The following RBL1 variants were observed in gnomAD, a reference collection of about 807,000 sequenced individuals.
RBL1 encodes retinoblastoma-like protein 1.
Under a neutral mutation model 123.0 loss-of-function variants are expected in RBL1, and 82 were observed. That is an observed-to-expected ratio of 0.67 (90% CI 0.56 to 0.80). The LOEUF (loss-of-function observed/expected upper bound fraction) is 0.80. Among genes scored for constraint, RBL1 ranks in the 30% least tolerant of loss-of-function variants. The probability of loss-of-function intolerance (pLI) is 0.00; values close to 1 mark genes in which losing one functional copy is unlikely to be tolerated. For synonymous variants in RBL1, 405 were observed against 441.3 expected, an observed-to-expected ratio of 0.92 and a Z score of 1.03; for missense variants, 1,171 against 1,299.6, an observed-to-expected ratio of 0.90 and a Z score of 1.52.
rs867410748 is a variant in RBL1 at position 37,088,999 on chromosome 20, C to T, written c.280G>A (p.Ala94Thr). 1.3e-6 allele frequency: 2 copies of T among 1,585,700 alleles called. No homozygotes were observed. The highest frequency in any genetic ancestry group is 1.2e-5 in the South Asian group (1 of 86,062). Residue 94 changes from alanine (A) to threonine (T), a missense_variant, in exon 2 of 22, where the codon GCT becomes ACT. Ala to Thr is a moderately conservative substitution (Grantham distance 58, BLOSUM62 0). Transcript: ENST00000373664. ...CVSLTRILRSAKLSLIQFFSK... is the reference protein window; with the variant it reads ...CVSLTRILRSTKLSLIQFFSK... ...ATCAAAGAGGTTTACCTTAATTTAG[C>T]TGAACGTAGTATTCTGGTAAGTGAA...
intron 19 of RBL1, among the ~76,000 whole-genome samples, chr20:37,010,438 G>A (rs1174348913): frequency 1.3e-5 from 2 of 152,050 alleles, no homozygotes; most frequent in African/African-American, 4.8e-5. Flanking sequence ...GCATAATGAT[G>A]GGTTATCTTC....
chr20:37,032,995 T>A (rs2064539290), intron 15 of RBL1, 119 bp from the exon 16 acceptor site: 1 of 1,371,428 alleles, frequency 7.3e-7, no homozygotes, highest in East Asian at 2.6e-5. Flanking sequence ...TACAAAATAG[T>A]AATTCTAGGT....
At chr20:37,095,456 T>C (rs1026734724) in intron 1 of RBL1, among the ~76,000 whole-genome samples, 6 of 152,196 alleles carry the variant, frequency 3.9e-5, no homozygotes, top group Non-Finnish European at 5.9e-5. Context: ...TTTACCATTA[T>C]ATTTGTTCTT....
At chr20:37,058,135 C>CAAA (rs796829143) in intron 9 of RBL1, among the ~76,000 whole-genome samples, 1 of 125,992 alleles carries the variant, frequency 7.9e-6, no homozygotes. Flanking sequence ...AAAAACAAAA[C>CAAA]AAAACAAAAA....
At chr20:37,018,015 A>G (rs2064284403) in intron 19 of RBL1, among the ~76,000 whole-genome samples, 1 of 152,174 alleles carries the variant, frequency 6.6e-6, no homozygotes, top group Non-Finnish European at 1.5e-5. Flanking sequence ...TTAGAATTTT[A>G]TTAAGTCTCT....
At position 37,022,793 on chromosome 20, in the gene RBL1, G is replaced by C. The variant is rs948956578; in HGVS notation, c.2416C>G (p.Leu806Val). 6.2e-7 allele frequency: 1 copy of C among 1,613,116 alleles called. No individual in the cohort carries two copies. Among genetic ancestry groups the C allele is most frequent in the Non-Finnish European group, 8.5e-7 (1 of 1,179,510 alleles). ...TTTGAAACATCCAGTTTTAGACATA[G>C]ATCACGTAAGCGTACACTTGCCAAA... is the stretch of plus-strand genomic sequence containing the variant. ...YHLASVRLRD[L>V]CLKLDVSNEL... is the part of the protein sequence containing the mutation. The change falls in exon 17 of 22, where the codon CTA becomes GTA. Residue 806 changes from leucine to valine, a missense_variant. Transcript: ENST00000373664.
chr20:37,088,280 A>G (rs1338098508), intron 2 of RBL1, among the ~76,000 whole-genome samples: 26 of 151,640 alleles, frequency 1.7e-4, no homozygotes, highest in South Asian at 4.2e-4. Context: ...AAAAAAAAAA[A>G]AGAGAGAGAG....
intron 2 of RBL1, among the ~76,000 whole-genome samples, chr20:37,073,701 A>G (rs1331338326): frequency 6.9e-6 from 1 of 144,094 alleles, no homozygotes; most frequent in Non-Finnish European, 1.5e-5. Context: ...CTGTCTCAAA[A>G]AAAGAAAAAA....
At position 37,047,124 on chromosome 20, in the gene RBL1, C is replaced by T. The variant is rs2064829084; in HGVS notation, c.1534G>A (p.Ala512Thr). Residue 512 changes from alanine to threonine, a missense_variant, in exon 12 of 22, where the codon GCC becomes ACC. Physicochemically the swap from Ala to Thr is moderately conservative, Grantham distance 58 (BLOSUM62 0). Transcript: ENST00000373664. ...GGAAAAGTACGAGGTGAGCTATAGG[C>T]AAAGAGCACAATTTCCAAACAACAA... ...MACCLEIVLF[A>T]YSSPRTFPWI... 10 of 1,606,386 alleles carry T rather than the reference C, an allele frequency of 6.2e-6. No individual in the cohort carries two copies. Among genetic ancestry groups the T allele is most frequent in the Non-Finnish European group, 8.5e-6 (10 of 1,178,522 alleles).
Position 37,044,223 on chromosome 20 carries a change from C to G in RBL1, c.1633G>C (p.Glu545Gln). Reference protein sequence around the residue: ...KVIEVVIRSEEGLSRDMVKHL... With the variant: ...KVIEVVIRSEQGLSRDMVKHL... ...TTCACCATGTCCCTTGAGAGCCCCT[C>G]TTCTGAGCGGATCACCACCTCAATA... The change falls in exon 13 of 22, where the codon GAG becomes CAG. Residue 545 changes from glutamate to glutamine, a missense_variant. Physicochemically the swap from Glu to Gln is conservative, Grantham distance 29 (BLOSUM62 2). Coordinates refer to ENST00000373664, the MANE Select transcript of RBL1 (RefSeq NM_002895.5). The G allele has an allele frequency of 6.2e-7, 1 of 1,613,802 alleles. No individual in the cohort carries two copies.
intron 2 of RBL1, among the ~76,000 whole-genome samples, chr20:37,069,885 G>A (rs1200750010): frequency 1.3e-5 from 2 of 151,260 alleles, no homozygotes; most frequent in African/African-American, 4.9e-5. Flanking sequence ...GCCCCGTCCA[G>A]GAGGTGAGGG....
At chr20:37,003,970 C>T (rs901199969) in intron 20 of RBL1, 104 bp from the exon 21 acceptor site, 1 of 973,914 alleles carries the variant, frequency 1.0e-6, no homozygotes, top group African/African-American at 1.7e-5. Context: ...AACAGTTATA[C>T]TGTAAAAAGC....
intron 12 of RBL1, among the ~76,000 whole-genome samples, chr20:37,046,660 T>G (rs1259583189): frequency 6.7e-6 from 1 of 150,188 alleles, no homozygotes; most frequent in Admixed American, 6.8e-5. Flanking sequence ...TAGGCTGGAG[T>G]GTAATTGTAT....
chr20:37,003,946 T>G, intron 20 of RBL1, 80 bp from the exon 21 acceptor site: 1 of 1,297,386 alleles, frequency 7.7e-7, no homozygotes, highest in Non-Finnish European at 1.0e-6. Context: ...TCTTATGGTA[T>G]CTTCTAGTTA....
At position 37,032,311 on chromosome 20, in the gene RBL1, G is replaced by C. The variant is rs367906273; in HGVS notation, c.2382+354C>G. ...ACCTAGAAGACATTACGCTAAGCCA[G>C]TCACAAAAACAAACAAATATCGTAT... On this transcript the variant is annotated intron_variant, in intron 16 of 21. Transcript: ENST00000373664. Among the ~76,000 whole-genome samples, 18 of 152,200 alleles carry C rather than the reference G, an allele frequency of 1.2e-4. No individual in the cohort carries two copies. In the South Asian group the frequency reaches 3.5e-3, roughly 30 times the overall value.
chr20:37,079,263 A>G (rs2065412461), intron 2 of RBL1, among the ~76,000 whole-genome samples: 1 of 151,854 alleles, frequency 6.6e-6, no homozygotes, highest in African/African-American at 2.4e-5. Context: ...AAAATAACAA[A>G]TGATTATAAT....
chr20:37,020,072 T>C (rs2064315475), intron 18 of RBL1, among the ~76,000 whole-genome samples: 1 of 151,338 alleles, frequency 6.6e-6, no homozygotes, highest in Non-Finnish European at 1.5e-5. Flanking sequence ...AAGAATATTA[T>C]TATTATTATA....
intron 19 of RBL1, among the ~76,000 whole-genome samples, chr20:37,009,132 C>T (rs1295897983): frequency 6.6e-6 from 1 of 152,066 alleles, no homozygotes; most frequent in Non-Finnish European, 1.5e-5. Flanking sequence ...TCCAGCGACT[C>T]TCCTGCCTCA....
At chr20:37,008,303 G>A (rs1263722421) in intron 19 of RBL1, among the ~76,000 whole-genome samples, 1 of 152,184 alleles carries the variant, frequency 6.6e-6, no homozygotes, top group Non-Finnish European at 1.5e-5. Flanking sequence ...TATCCTGAGA[G>A]GTTAAGGAAG....
Sources: gnomAD v4.1 joint callset for allele counts (sites outside exome capture counted in the v4.1 genomes callset) on GRCh38, gnomAD v4.1.1 for gene constraint, MANE v1.5 for transcripts, NCBI Gene and HGNC (gene_info 2026-07-23, HGNC 2026-07-21) for gene names.